ARFGEF1: variants seen among roughly 807,000 people sequenced by gnomAD.
The protein encoded by ARFGEF1 is brefeldin A-inhibited guanine nucleotide-exchange protein 1.
Under a neutral mutation model 231.0 loss-of-function variants are expected in ARFGEF1, and 42 were observed. The ratio of observed to expected loss-of-function variants is 0.18; its 90% CI spans 0.14 to 0.24. ARFGEF1 has a LOEUF of 0.24. Among genes scored for constraint, ARFGEF1 ranks in the 10% least tolerant of loss-of-function variants. The pLI, the probability that ARFGEF1 is intolerant of heterozygous loss-of-function variation, is 1.00. For synonymous variants in ARFGEF1, 710 were observed against 732.3 expected (o/e 0.97, Z 0.49); for missense variants, 1,345 against 2,192.0 (o/e 0.61, Z 7.72).
In ARFGEF1 at chr8:67,263,863, T is replaced by C. The variant is rs375898987; in HGVS notation, c.2123+2143A>G. On this transcript the variant is annotated intron_variant, in intron 14 of 38. Coordinates refer to ENST00000262215, the MANE Select transcript of ARFGEF1 (RefSeq NM_006421.5). Reference sequence around the variant, plus strand: ...AAGTAACTAACTTAGATGGTCATAATATATTTCCTGGGAAAGGTGACTCTG... The same window carrying C: ...AAGTAACTAACTTAGATGGTCATAACATATTTCCTGGGAAAGGTGACTCTG... Among the ~76,000 whole-genome samples, 7 of 152,314 alleles carry C rather than the reference T, an allele frequency of 4.6e-5. No individual in the cohort carries two copies. The East Asian group carries it at 5.8e-4, about 13-fold the overall frequency.
At chr8:67,179,714 C>G in intron 5 of ARFGEF1, 1 of 574,178 alleles carries the variant, frequency 1.7e-6, no homozygotes, top group African/African-American at 1.9e-5. Context: ...CCAGTATTTT[C>G]TGAGCATTGG....
intron 5 of ARFGEF1, among the ~76,000 whole-genome samples, chr8:67,179,113 T>C (rs1245503766): frequency 2.0e-5 from 3 of 152,188 alleles, no homozygotes; most frequent in Non-Finnish European, 4.4e-5. Flanking sequence ...GGTAAGAAGG[T>C]GCAGGGAGGT....
chr8:67,251,889 G>C (rs1840295489), intron 18 of ARFGEF1, among the ~76,000 whole-genome samples: 1 of 152,056 alleles, frequency 6.6e-6, no homozygotes, highest in African/African-American at 2.4e-5. Flanking sequence ...TATGAAAAGG[G>C]AAACGAGTAG....
chr8:67,196,358 T>G (rs140102962), downstream of ARFGEF1: 45 of 151,216 alleles, frequency 3.0e-4, no homozygotes, highest in East Asian at 1.7e-3. Flanking sequence ...GACTGGAGTC[T>G]TCTTCTTCCA....
At chr8:67,331,451 G>A (rs1216900732) in intron 1 of ARFGEF1, among the ~76,000 whole-genome samples, 1 of 152,110 alleles carries the variant, frequency 6.6e-6, no homozygotes, top group Non-Finnish European at 1.5e-5. Flanking sequence ...CAACTAGAAG[G>A]TGCTGTCTAT....
At chr8:67,178,089 TG>T (rs1832122748) in intron 5 of ARFGEF1, among the ~76,000 whole-genome samples, 1 of 152,238 alleles carries the variant, frequency 6.6e-6, no homozygotes, top group Non-Finnish European at 1.5e-5. Context: ...ATAAGTTTTA[TG>T]TAAGTGTTTA....
chr8:67,293,484 CT>C (rs1806097594), intron 5 of ARFGEF1, among the ~76,000 whole-genome samples: 1 of 152,010 alleles, frequency 6.6e-6, no homozygotes, highest in Non-Finnish European at 1.5e-5. Context: ...CTGTTTGTGG[CT>C]GCAAAATATT....
intron 10 of ARFGEF1, among the ~76,000 whole-genome samples, chr8:67,268,497 C>A (rs564054306): frequency 6.6e-6 from 1 of 152,112 alleles, no homozygotes; most frequent in Non-Finnish European, 1.5e-5. Context: ...TGTTGGATAC[C>A]TCAAAAGATT....
chr8:67,189,901 G>A (rs1451220115), intron 5 of ARFGEF1, among the ~76,000 whole-genome samples: 3 of 152,150 alleles, frequency 2.0e-5, no homozygotes, highest in Non-Finnish European at 4.4e-5. Context: ...ATTTGTCCAT[G>A]TCAAATTAGC....
intron 1 of ARFGEF1, among the ~76,000 whole-genome samples, chr8:67,306,424 G>A (rs1247430537): frequency 6.6e-6 from 1 of 152,042 alleles, no homozygotes; most frequent in Non-Finnish European, 1.5e-5. Flanking sequence ...TGTTTATAAG[G>A]CACAGGACAC....
chr8:67,337,204 A>G (rs1199792664), intron 1 of ARFGEF1, among the ~76,000 whole-genome samples: 2 of 151,826 alleles, frequency 1.3e-5, no homozygotes, highest in African/African-American at 4.8e-5. Context: ...AAAATATCCT[A>G]TTATATCATC....
chr8:67,286,615 G>A (rs561192132), intron 7 of ARFGEF1, among the ~76,000 whole-genome samples: 1 of 152,322 alleles, frequency 6.6e-6, no homozygotes, highest in African/African-American at 2.4e-5. Context: ...AGGCCGTAAT[G>A]TGCCAACTCC....
chr8:67,280,847 C>A (rs1197036537), intron 7 of ARFGEF1, among the ~76,000 whole-genome samples: 1 of 152,148 alleles, frequency 6.6e-6, no homozygotes, highest in Non-Finnish European at 1.5e-5. Context: ...TTGATCAAAT[C>A]TAGTCTCTGT....
intron 1 of ARFGEF1, among the ~76,000 whole-genome samples, chr8:67,340,332 T>C (rs1808569453): frequency 6.6e-6 from 1 of 152,176 alleles, no homozygotes; most frequent in African/African-American, 2.4e-5. Flanking sequence ...GATCTCTGTA[T>C]CTTCACCATC....
chr8:67,339,255 C>T (rs1490521466), intron 1 of ARFGEF1, among the ~76,000 whole-genome samples: 1 of 152,086 alleles, frequency 6.6e-6, no homozygotes, highest in Non-Finnish European at 1.5e-5. Context: ...TCCTGGGAAC[C>T]CACCCTTATC....
rs774501418 is a variant in ARFGEF1, at chr8:67,190,718, G to A, written c.560+9678C>T. On this transcript the variant is annotated intron_variant, in intron 5 of 5. Coordinates refer to the ARFGEF1 transcript ENST00000518789. The stretch of plus-strand genomic sequence containing the variant: ...CCCTCCACCATCACAGTTGCCCTCT[G>A]CACGGGAGCGCAGGAGGAACAAATG... 5.0e-6 allele frequency: 8 copies of A among 1,614,018 alleles called. No homozygotes were observed. Among genetic ancestry groups the A allele is most frequent in the Non-Finnish European group, 4.2e-6 (5 of 1,179,904 alleles).
intron 1 of ARFGEF1, among the ~76,000 whole-genome samples, chr8:67,335,963 C>T (rs1297319057): frequency 6.6e-6 from 1 of 152,040 alleles, no homozygotes; most frequent in African/African-American, 2.4e-5. Flanking sequence ...GCTGGCCAGG[C>T]TGGTCTCGAA....
At chr8:67,305,162 T>A (rs1806680886) in intron 1 of ARFGEF1, among the ~76,000 whole-genome samples, 1 of 152,216 alleles carries the variant, frequency 6.6e-6, no homozygotes, top group Non-Finnish European at 1.5e-5. Context: ...ACTGTGAGCA[T>A]GAGAAACAAC....
intron 5 of ARFGEF1, chr8:67,190,627 T>A: frequency 6.4e-7 from 1 of 1,560,558 alleles, no homozygotes; most frequent in South Asian, 1.1e-5. Context: ...TAAGACTCCT[T>A]CTGCTTTTCG....
Sources: allele counts gnomAD v4.1 joint callset (sites outside exome capture counted in the v4.1 genomes callset), GRCh38; gene constraint gnomAD v4.1.1; transcripts MANE v1.5; gene names NCBI Gene and HGNC (gene_info 2026-07-23, HGNC 2026-07-21).